Variants in ARHGEF16 observed in about 807,000 individuals in gnomAD.
ARHGEF16 encodes the protein Rho guanine nucleotide exchange factor 16, also known as Rho guanine exchange factor (GEF) 16.
Under a neutral mutation model 74.1 loss-of-function variants are expected in ARHGEF16, and 59 were observed. That is an observed-to-expected ratio of 0.80 (90% CI 0.65 to 0.99). The LOEUF (loss-of-function observed/expected upper bound fraction) is 0.99, where lower values mean the gene tolerates loss of function less well. Among genes scored for constraint, ARHGEF16 ranks in the 50% least tolerant of loss-of-function variants. The pLI, the probability that ARHGEF16 is intolerant of heterozygous loss-of-function variation, is 0.00. For missense variants in ARHGEF16, 948 were observed against 986.6 expected (o/e 0.96, Z 0.52); for synonymous variants, 415 against 412.6 (o/e 1.01, Z -0.07).
Position 3,466,275 on chromosome 1 carries a change from C to T in ARHGEF16, c.634+82C>T, listed in dbSNP as rs186055029. 159 of 1,444,460 alleles carry T rather than the reference C, an allele frequency of 1.1e-4. No homozygotes were observed. In the African/African-American group the frequency reaches 2.1e-3, roughly 20 times the overall value. The allele number at this position is 1,444,460 out of a possible 1,614,324, so 89.5% of individuals were successfully genotyped here. On this transcript the variant is annotated intron_variant, in intron 3 of 14. Transcript: ENST00000378378. Reference sequence around the variant, plus strand: ...TGGGGCACCCTGGGGTTCGGGTGGGCCTCAGTTTGGTGTCTCGGGGTCACC... The same window carrying T: ...TGGGGCACCCTGGGGTTCGGGTGGGTCTCAGTTTGGTGTCTCGGGGTCACC...
chr1:3,478,764 G>A (rs1488061077), intron 12 of ARHGEF16, 152 bp downstream of exon 12: 14 of 916,512 alleles, frequency 1.5e-5, no homozygotes. Flanking sequence ...GGTAGAGCCA[G>A]AAACAACAGA....
At chr1:3,464,524 C>T (rs1350667896) in intron 2 of ARHGEF16, among the ~76,000 whole-genome samples, 5 of 152,200 alleles carry the variant, frequency 3.3e-5, no homozygotes, top group Non-Finnish European at 7.3e-5. Context: ...TGGAACCGCC[C>T]ATCAGGAGGC....
intron 14 of ARHGEF16, 131 bp from the exon 15 acceptor site, chr1:3,480,317 T>C: frequency 2.2e-6 from 3 of 1,341,536 alleles, no homozygotes; most frequent in Non-Finnish European, 3.0e-6. Context: ...AGCAGCTGTC[T>C]GCTCTGAGCA....
chr1:3,465,570 C>T (rs1327886642), intron 2 of ARHGEF16, among the ~76,000 whole-genome samples: 1 of 136,718 alleles, frequency 7.3e-6, no homozygotes, highest in African/African-American at 2.5e-5. Flanking sequence ...CCAACTCGTT[C>T]CGAGAAATCA....
At chr1:3,477,777 G>T (rs542777835) in intron 10 of ARHGEF16, 98 bp from the exon 11 acceptor site, 15 of 1,152,398 alleles carry the variant, frequency 1.3e-5, no homozygotes, top group Non-Finnish European at 1.9e-5. Flanking sequence ...GTCCCACCTG[G>T]TGCTATGCGT....
chr1:3,472,883 G>GCCC, intron 6 of ARHGEF16, 195 bp from the exon 7 acceptor site: 1 of 114,400 alleles, frequency 8.7e-6, no homozygotes, highest in Non-Finnish European at 1.7e-5. Flanking sequence ...CTTCCCACCC[G>GCCC]CCCTCCCTGC....
intron 5 of ARHGEF16, among the ~76,000 whole-genome samples, 184 bp downstream of exon 5, chr1:3,469,120 T>G (rs1302373908): frequency 6.6e-6 from 1 of 152,200 alleles, no homozygotes; most frequent in East Asian, 1.9e-4. Flanking sequence ...CGCCAGGCCC[T>G]GACGGAGCCC....
chr1:3,462,218 A>C (rs1410620507), intron 1 of ARHGEF16, among the ~76,000 whole-genome samples: 1 of 152,124 alleles, frequency 6.6e-6, no homozygotes, highest in East Asian at 1.9e-4. Flanking sequence ...CCACCACCAC[A>C]CCTGCCCAGT....
chr1:3,478,249 C>A lies in ARHGEF16; in HGVS notation c.1626-175C>A, dbSNP rs1014451386. The A allele has an allele frequency of 8.7e-6, 8 of 916,432 alleles. No individual in the cohort carries two copies. In the African/African-American group the frequency reaches 1.2e-4, roughly 13 times the overall value. The allele number at this position is 916,432 out of a possible 1,614,324, so 56.8% of individuals were successfully genotyped here. ...GACCTGGGTCTGCCGGTGATAGCCA[C>A]GAGGAGGACTCGAAAGCCATGGCCT... On this transcript the variant is annotated intron_variant, in intron 11 of 14. Coordinates refer to ENST00000378378, the MANE Select transcript of ARHGEF16 (RefSeq NM_014448.4).
intron 6 of ARHGEF16, among the ~76,000 whole-genome samples, chr1:3,471,036 G>T (rs567295850): frequency 1.4e-5 from 2 of 147,790 alleles, no homozygotes; most frequent in Non-Finnish European, 3.0e-5. Flanking sequence ...GTGTGTGTGC[G>T]TGGGCAGGGA....
chr1:3,462,680 G>C (rs1199355692), intron 1 of ARHGEF16, among the ~76,000 whole-genome samples: 1 of 152,214 alleles, frequency 6.6e-6, no homozygotes, highest in Non-Finnish European at 1.5e-5. Context: ...CCATGCACCT[G>C]AGCTGCCCCA....
chr1:3,462,976 G>A (rs1025653456), intron 1 of ARHGEF16, 90 bp from the exon 2 acceptor site: 1 of 926,618 alleles, frequency 1.1e-6, no homozygotes. Flanking sequence ...TGGAGCCCCG[G>A]CCAGACATAT....
intron 6 of ARHGEF16, among the ~76,000 whole-genome samples, chr1:3,472,440 GCC>G (rs35594591): frequency 2.6e-5 from 4 of 151,306 alleles, no homozygotes; most frequent in South Asian, 2.1e-4. Context: ...CCCACAGCTG[GCC>G]CCCCCCCGGC....
chr1:3,457,796 C>T (rs12745860), intron 1 of ARHGEF16, among the ~76,000 whole-genome samples: 110,388 of 151,880 alleles, frequency 0.73, 43,091 homozygotes, highest in South Asian at 0.87. Context: ...CTCTGCTGCA[C>T]GCCTCCTCCT....
chr1:3,469,717 A>G, intron 6 of ARHGEF16, 124 bp downstream of exon 6: 1 of 1,339,690 alleles, frequency 7.5e-7, no homozygotes, highest in Non-Finnish European at 1.0e-6. Flanking sequence ...TGGATGGTTT[A>G]GAGCAGCTGC....
chr1:3,479,645 G>T, intron 13 of ARHGEF16, 55 bp downstream of exon 13: 1 of 1,591,248 alleles, frequency 6.3e-7, no homozygotes, highest in South Asian at 1.1e-5. Context: ...TGGCACTTTG[G>T]CCCCCACTGT....
intron 6 of ARHGEF16, chr1:3,471,895 G>T (rs1639735606): frequency 1.1e-6 from 1 of 952,294 alleles, no homozygotes; most frequent in Admixed American, 6.1e-5. Context: ...CGCATGTCGT[G>T]GCCCTGCTCA....
intron 14 of ARHGEF16, 144 bp downstream of exon 14, chr1:3,480,057 A>C: frequency 2.6e-6 from 2 of 763,444 alleles, no homozygotes; most frequent in South Asian, 1.7e-5. Context: ...CAAAGGGAGC[A>C]CTCCCACATC....
At chr1:3,456,624 G>A (rs912404728) in intron 1 of ARHGEF16, among the ~76,000 whole-genome samples, 1 of 152,224 alleles carries the variant, frequency 6.6e-6, no homozygotes, top group Non-Finnish European at 1.5e-5. Context: ...CCACCTTCCA[G>A]AAGTTTGGGG....
Sources: gnomAD v4.1 joint callset for allele counts (sites outside exome capture counted in the v4.1 genomes callset) on GRCh38, gnomAD v4.1.1 for gene constraint, MANE v1.5 for transcripts, NCBI Gene and HGNC (gene_info 2026-07-23, HGNC 2026-07-21) for gene names.